The following NOLC1 variants were observed in gnomAD, a reference collection of about 807,000 sequenced individuals.
NOLC1 encodes 140 kDa nucleolar phosphoprotein.
A neutral mutation model predicts 73.4 loss-of-function variants in NOLC1; 37 were observed. The ratio of observed to expected loss-of-function variants is 0.50; its 90% CI spans 0.39 to 0.66. The LOEUF (loss-of-function observed/expected upper bound fraction) is 0.66, where lower values mean the gene tolerates loss of function less well. Among genes scored for constraint, NOLC1 ranks in the 30% least tolerant of loss-of-function variants. The pLI is 0.00. For synonymous variants in NOLC1, 327 were observed against 302.6 expected (o/e 1.08, Z -0.84); for missense variants, 921 against 838.9 (o/e 1.10, Z -1.21).
chr10:102,159,381 G>C, intron 6 of NOLC1, 52 bp from the exon 7 acceptor site: 10 of 1,613,690 alleles, frequency 6.2e-6, no homozygotes, highest in Non-Finnish European at 8.5e-6. Context: ...TCCCTGGCAG[G>C]ATTGGTTGGG....
At chr10:102,156,087 G>A (rs1017831511) in intron 1 of NOLC1, among the ~76,000 whole-genome samples, 1 of 152,178 alleles carries the variant, frequency 6.6e-6, no homozygotes, top group East Asian at 1.9e-4. Context: ...CGATCTGCCC[G>A]CCTTGGCCTC....
At chr10:102,159,622 G>GT in intron 7 of NOLC1, 54 bp downstream of exon 7, 1 of 1,565,216 alleles carries the variant, frequency 6.4e-7, no homozygotes. Context: ...CCCAGCTGCA[G>GT]TAACCACATG....
chr10:102,162,495 T>C lies in NOLC1; in HGVS notation c.*226T>C. ...GAGTAGCAGGGACAAAATAAGGGAATGTTATTTTTTAAGAAAATTCATTTT... is the reference window on the plus strand; with the variant it reads ...GAGTAGCAGGGACAAAATAAGGGAACGTTATTTTTTAAGAAAATTCATTTT... On this transcript the variant is annotated 3_prime_UTR_variant, in exon 13 of 13. Transcript: ENST00000605788. 1 of 368,358 alleles carries C rather than the reference T, an allele frequency of 2.7e-6. No individual in the cohort carries two copies. Among genetic ancestry groups the C allele is most frequent in the African/African-American group, 2.1e-5 (1 of 48,080 alleles). 22.8% of individuals were successfully genotyped at this position (368,358 alleles called of 1,614,324 possible).
At position 102,161,599 on chromosome 10, in the gene NOLC1, A is replaced by T; in HGVS notation, c.1785A>T (p.Ala595=). ...AGCAGAATGAGGCTGCCAAGGAGGC[A>T]GAGACTCCTCAGGCCAAGAAGATAA... The part of the protein sequence containing the change: ...KRKQNEAAKE[A]ETPQAKKIKL... The change falls in exon 11 of 13, where the codon GCA becomes GCT. Residue 595 remains alanine (A), a synonymous_variant. Coordinates refer to ENST00000605788, the MANE Select transcript of NOLC1 (RefSeq NM_004741.5). 6.2e-7 allele frequency: 1 copy of T among 1,614,116 alleles called. No homozygotes were observed. The highest frequency in any genetic ancestry group is 8.5e-7 in the Non-Finnish European group (1 of 1,179,976).
intron 1 of NOLC1, among the ~76,000 whole-genome samples, chr10:102,153,742 G>T (rs992689998): frequency 6.8e-6 from 1 of 147,284 alleles, no homozygotes; most frequent in East Asian, 2.0e-4. Context: ...GTGCGATCTC[G>T]GCTCATTGTA....
chr10:102,154,787 A>T (rs1349227473), intron 1 of NOLC1, among the ~76,000 whole-genome samples: 1 of 152,078 alleles, frequency 6.6e-6, no homozygotes, highest in East Asian at 1.9e-4. Context: ...TCAGCCTCCC[A>T]AAGTGTTGGG....
chr10:102,154,188 C>T (rs1267320610), intron 1 of NOLC1, among the ~76,000 whole-genome samples: 3 of 150,462 alleles, frequency 2.0e-5, no homozygotes, highest in Non-Finnish European at 4.4e-5. Context: ...TCTCCTGCCT[C>T]AGCTTCCCAA....
Position 102,161,915 on chromosome 10 carries a change from T to G in NOLC1, c.1931T>G (p.Phe644Cys). 1.9e-6 allele frequency: 3 copies of G among 1,614,072 alleles called. No homozygotes were observed. Among genetic ancestry groups the G allele is most frequent in the Non-Finnish European group, 2.5e-6 (3 of 1,179,962 alleles). Residue 644 changes from phenylalanine to cysteine, a missense_variant, in exon 12 of 13, where the codon TTT becomes TGT. Coordinates refer to ENST00000605788, the MANE Select transcript of NOLC1 (RefSeq NM_004741.5). Reference protein sequence around the residue: ...EVDSRVADNSFDAKRGAAGDW... With the variant: ...EVDSRVADNSCDAKRGAAGDW... The stretch of plus-strand genomic sequence containing the variant: ...GATTCACGAGTTGCGGACAACTCCT[T>G]TGATGCCAAGGTGAGAGAGAGATCT...
At chr10:102,155,835 A>G (rs1298954567) in intron 1 of NOLC1, among the ~76,000 whole-genome samples, 3 of 151,588 alleles carry the variant, frequency 2.0e-5, no homozygotes, top group African/African-American at 7.3e-5. Flanking sequence ...TTTACATTCA[A>G]TACAGTACTT....
intron 1 of NOLC1, among the ~76,000 whole-genome samples, chr10:102,156,627 G>T (rs2069599634): frequency 6.6e-6 from 1 of 151,960 alleles, no homozygotes; most frequent in Admixed American, 6.6e-5. Flanking sequence ...TAGAGATGGG[G>T]TTTCACCATG....
chr10:102,153,662 A>C (rs1212324842), intron 1 of NOLC1, among the ~76,000 whole-genome samples: 3 of 148,192 alleles, frequency 2.0e-5, no homozygotes, highest in Admixed American at 1.4e-4. Context: ...GACATTTCAG[A>C]ATTAGGATTC....
intron 1 of NOLC1, among the ~76,000 whole-genome samples, chr10:102,154,370 A>T (rs2069555752): frequency 6.6e-6 from 1 of 151,662 alleles, no homozygotes; most frequent in East Asian, 1.9e-4. Flanking sequence ...GGTGTGAGCC[A>T]CCGCACCCGG....
chr10:102,161,570 C>G lies in NOLC1; in HGVS notation c.1756C>G (p.Arg586Gly). ...VVSKSGSLKK[R>G]KQNEAAKEAE... is the part of the protein sequence containing the mutation. ...TTGTTTTGTAGGTTCATTAAAGAAG[C>G]GGAAGCAGAATGAGGCTGCCAAGGA... The change falls in exon 11 of 13, where the codon CGG (arginine) becomes GGG (glycine). Residue 586 changes from arginine (R) to glycine (G), a missense_variant. Transcript: ENST00000605788. The G allele has an allele frequency of 6.2e-7, 1 of 1,613,460 alleles. No individual in the cohort carries two copies. Among genetic ancestry groups the G allele is most frequent in the Non-Finnish European group, 8.5e-7 (1 of 1,179,550 alleles).
Position 102,157,344 on chromosome 10 carries a change from A to T in NOLC1, c.316+16A>T. 1 of 1,613,642 alleles carries T rather than the reference A, an allele frequency of 6.2e-7. No homozygotes were observed. The highest frequency in any genetic ancestry group is 8.5e-7 in the Non-Finnish European group (1 of 1,179,678). On this transcript the variant is annotated intron_variant, in intron 3 of 12. Coordinates refer to ENST00000605788, the MANE Select transcript of NOLC1 (RefSeq NM_004741.5). ...AAGAAGGCTGGTAAGGCAGAGTAGC[A>T]GGTGGGCTTGGTGGTGCCAGGAAAA... is the stretch of plus-strand genomic sequence containing the variant.
intron 10 of NOLC1, 124 bp from the exon 11 acceptor site, chr10:102,161,432 A>G (rs1299654006): frequency 1.1e-5 from 8 of 705,476 alleles, no homozygotes; most frequent in South Asian, 1.8e-5. Flanking sequence ...GAATCTCACT[A>G]TATTGCCCAG....
rs774940187 is a variant in NOLC1 at position 102,157,512 on chromosome 10, GTGA to G, written c.411_413del (p.Asp137del). 4 of 1,614,120 alleles carry G rather than the reference GTGA, an allele frequency of 2.5e-6. No homozygotes were observed. The highest frequency in any genetic ancestry group is 1.1e-5 in the South Asian group (1 of 91,062). On this transcript the variant is annotated inframe_deletion, in exon 4 of 13. Transcript: ENST00000605788. ...GAGAGTAGCAGCAGTGAAGAGTCCA[GTGA>G]TGATGATGATGAGGAGGACCAAAAG...
At chr10:102,159,101 ACTCCTAAGTT>A in intron 5 of NOLC1, 82 bp from the exon 6 acceptor site, 2 of 700,676 alleles carry the variant, frequency 2.9e-6, no homozygotes, top group Non-Finnish European at 4.5e-6. Flanking sequence ...AAAATGGTGG[ACTCCTAAGTT>A]CTCTGCTCAT....
chr10:102,154,287 G>C (rs2069554982), intron 1 of NOLC1, among the ~76,000 whole-genome samples: 1 of 134,582 alleles, frequency 7.4e-6, no homozygotes. Flanking sequence ...GTTTCACCAT[G>C]TTGGCCAGGC....
chr10:102,159,873 A>G (rs755148466), intron 7 of NOLC1, 23 bp from the exon 8 acceptor site: 4 of 1,517,686 alleles, frequency 2.6e-6, no homozygotes, highest in Non-Finnish European at 3.5e-6. Flanking sequence ...TCCTAAAACC[A>G]TCACACTATC....
Sources: gnomAD v4.1 joint callset for allele counts (sites outside exome capture counted in the v4.1 genomes callset) on GRCh38, gnomAD v4.1.1 for gene constraint, MANE v1.5 for transcripts, NCBI Gene and HGNC (gene_info 2026-07-23, HGNC 2026-07-21) for gene names.